The following HSP90AA1 variants were observed in gnomAD, a reference collection of about 807,000 sequenced individuals.
HSP90AA1 encodes heat shock protein 90 alpha family class A member 1, also known as heat shock protein HSP 90-alpha.
HSP90AA1 carries 18 observed loss-of-function variants against 73.3 expected under a neutral mutation model. That is an observed-to-expected ratio of 0.25 (90% CI 0.17 to 0.36). The LOEUF (loss-of-function observed/expected upper bound fraction) is 0.36. Among genes scored for constraint, HSP90AA1 ranks in the 10% least tolerant of loss-of-function variants. The probability of loss-of-function intolerance (pLI) is 1.00; values close to 1 mark genes in which losing one functional copy is unlikely to be tolerated. For synonymous variants in HSP90AA1, 477 were observed against 296.9 expected, an observed-to-expected ratio of 1.61 and a Z score of -6.24; for missense variants, 704 against 874.2, an observed-to-expected ratio of 0.81 and a Z score of 2.45.
intron 1 of HSP90AA1, among the ~76,000 whole-genome samples, chr14:102,113,117 G>A (rs1279941812): frequency 7.9e-5 from 12 of 151,548 alleles, no homozygotes; most frequent in African/African-American, 1.2e-4. Context: ...TCTGCCTCCC[G>A]GGTTCAAGCG....
chr14:102,092,979 A>C (rs1371757444), intron 2 of HSP90AA1, among the ~76,000 whole-genome samples: 1 of 151,996 alleles, frequency 6.6e-6, no homozygotes, highest in Non-Finnish European at 1.5e-5. Flanking sequence ...TCCTGGCCTC[A>C]CGTGATCCGC....
upstream of HSP90AA1, among the ~76,000 whole-genome samples, chr14:102,088,273 C>T (rs917106552): frequency 3.3e-5 from 5 of 152,198 alleles, no homozygotes; most frequent in Admixed American, 6.5e-5. Context: ...GACCTGGCTT[C>T]CCTGCCTAGT....
At chr14:102,134,149 CAAA>C (rs111867119) in intron 1 of HSP90AA1, among the ~76,000 whole-genome samples, 1 of 138,964 alleles carries the variant, frequency 7.2e-6, no homozygotes, top group Non-Finnish European at 1.6e-5. Flanking sequence ...AGACCTGTCT[CAAA>C]AAAAAAAAAA....
chr14:102,081,194 A>G lies in HSP90AA1; in HGVS notation c.*518T>C, dbSNP rs2049089486. 2 of 236,782 alleles carry G rather than the reference A, an allele frequency of 8.4e-6. No individual in the cohort carries two copies. Among genetic ancestry groups the G allele is most frequent in the African/African-American group, 2.2e-5 (1 of 44,980 alleles). The allele number at this position is 236,782 out of a possible 1,614,324, so 14.7% of individuals were successfully genotyped here. ...TTTTAACTTTGCTCCTCCAAACAAT[A>G]CTTTTCTTTGGAAAACAAGCCCTGT... On this transcript the variant is annotated 3_prime_UTR_variant, in exon 11 of 11. Transcript: ENST00000216281.
chr14:102,135,729 T>C (rs2049983771), intron 1 of HSP90AA1, among the ~76,000 whole-genome samples: 1 of 152,220 alleles, frequency 6.6e-6, no homozygotes, highest in African/African-American at 2.4e-5. Context: ...GGGGACCCAG[T>C]ACACCTCCGC....
chr14:102,086,489 T>C (rs1164429564), intron 1 of HSP90AA1, 111 bp from the exon 2 acceptor site: 2 of 1,280,590 alleles, frequency 1.6e-6, no homozygotes, highest in Non-Finnish European at 2.3e-6. Context: ...ATTTGCGAAG[T>C]TTAAGTAAAC....
rs11547540 is a variant in HSP90AA1, at chr14:102,086,068, C to G, written c.219G>C (p.Gly73=). 6.2e-7 allele frequency: 1 copy of G among 1,613,796 alleles called. No individual in the cohort carries two copies. Among genetic ancestry groups the G allele is most frequent in the Admixed American group, 1.7e-5 (1 of 59,990 alleles). The stretch of plus-strand genomic sequence containing the variant: ...GTATAAGGTTAATATGCAGCTCTTT[C>G]CCAGAGTCTAATTTACTGGGATCTG... ...SLTDPSKLDS[G]KELHINLIPN... The change falls in exon 3 of 11, where the codon GGG becomes GGC. Residue 73 remains glycine, a synonymous_variant. Transcript: ENST00000216281.
chr14:102,102,908 G>C (rs1484510300), intron 1 of HSP90AA1, among the ~76,000 whole-genome samples: 1 of 152,110 alleles, frequency 6.6e-6, no homozygotes, highest in African/African-American at 2.4e-5. Context: ...GCCAGGTGCA[G>C]TGACTCACAC....
intron 2 of HSP90AA1, among the ~76,000 whole-genome samples, chr14:102,095,385 C>A (rs745930492): frequency 1.3e-5 from 2 of 152,094 alleles, no homozygotes; most frequent in African/African-American, 4.8e-5. Context: ...TCACCCCTCA[C>A]CTGCAGGCCT....
At chr14:102,084,173 A>C in intron 6 of HSP90AA1, 190 bp from the exon 7 acceptor site, 1 of 687,908 alleles carries the variant, frequency 1.5e-6, no homozygotes, top group South Asian at 1.7e-5. Context: ...GGGGGGGTTC[A>C]AGCTGTTTTC....
chr14:102,125,285 T>C (rs1223506131), intron 1 of HSP90AA1, among the ~76,000 whole-genome samples: 1 of 152,228 alleles, frequency 6.6e-6, no homozygotes, highest in Non-Finnish European at 1.5e-5. Context: ...TGAGCCACTG[T>C]GCCCAACCTC....
chr14:102,135,452 A>G (rs911062952), intron 1 of HSP90AA1, among the ~76,000 whole-genome samples: 13 of 152,278 alleles, frequency 8.5e-5, no homozygotes, highest in Non-Finnish European at 1.8e-4. Context: ...GCCTTCACCT[A>G]GTGGATCCCG....
At chr14:102,119,787 G>A (rs1190603) in intron 1 of HSP90AA1, among the ~76,000 whole-genome samples, 121,755 of 152,112 alleles carry the variant, frequency 0.8, 50,265 homozygotes, top group East Asian at 0.93. Flanking sequence ...ACACCCGGCC[G>A]TTTTCCTCTT....
intron 9 of HSP90AA1, 139 bp from the exon 10 acceptor site, chr14:102,082,583 G>C (rs371266217): frequency 1.4e-6 from 1 of 702,490 alleles, no homozygotes. Context: ...TGTCGCATTA[G>C]GTATCCAAAG....
intron 1 of HSP90AA1, among the ~76,000 whole-genome samples, chr14:102,139,045 G>A (rs895865223): frequency 6.6e-6 from 1 of 152,048 alleles, no homozygotes; most frequent in African/African-American, 2.4e-5. Flanking sequence ...TTCAGTCCCC[G>A]GTTCCCAAAG....
chr14:102,087,242 G>T, upstream of HSP90AA1: 1 of 843,606 alleles, frequency 1.2e-6, no homozygotes, highest in Non-Finnish European at 1.4e-6. Context: ...TCGTGGCCCG[G>T]CCCGGGCAAC....
At chr14:102,105,228 AACC>A (rs2049551085) in intron 1 of HSP90AA1, among the ~76,000 whole-genome samples, 1 of 145,722 alleles carries the variant, frequency 6.9e-6, no homozygotes, top group African/African-American at 2.6e-5. Flanking sequence ...ACAAAAAAAA[AACC>A]AAACTTCATT....
intron 1 of HSP90AA1, among the ~76,000 whole-genome samples, chr14:102,134,270 A>C: frequency 6.9e-6 from 1 of 144,722 alleles, no homozygotes; most frequent in Admixed American, 7.2e-5. Context: ...GGTTGCAGAG[A>C]GCCGACATGG....
rs907742902 is a variant in HSP90AA1 at position 102,095,725 on chromosome 14, C to T, written c.366+6150G>A. ...TCTTTGACTCATCTCTTGCCTTCAG[C>T]CCCCACATTCTGACAGCTGACAAGT... On this transcript the variant is annotated intron_variant, in intron 2 of 11. Coordinates refer to the HSP90AA1 transcript ENST00000334701. Among the ~76,000 whole-genome samples the T allele has an allele frequency of 3.9e-5, 6 of 152,148 alleles. No homozygotes were observed. The East Asian group carries it at 9.6e-4, about 24-fold the overall frequency.
Sources: gnomAD v4.1 joint callset for allele counts (sites outside exome capture counted in the v4.1 genomes callset) on GRCh38, gnomAD v4.1.1 for gene constraint, MANE v1.5 for transcripts, NCBI Gene and HGNC (gene_info 2026-07-23, HGNC 2026-07-21) for gene names.